The following TNIK variants were observed in gnomAD, a reference collection of about 807,000 sequenced individuals.
TNIK encodes TRAF2 and NCK-interacting protein kinase.
Under a neutral mutation model 191.3 loss-of-function variants are expected in TNIK, and 49 were observed. The observed-to-expected ratio is 0.26, with a 90% CI of 0.20 to 0.32. TNIK has a LOEUF of 0.32. Ranked by LOEUF, TNIK falls within the 10% of genes least tolerant of loss-of-function variation. The pLI is 1.00. For synonymous variants in TNIK, 594 were observed against 600.9 expected (o/e 0.99, Z 0.17); for missense variants, 1,155 against 1,702.3 (o/e 0.68, Z 5.66).
chr3:171,131,204 A>G (rs1436149585), intron 15 of TNIK, among the ~76,000 whole-genome samples: 15 of 151,042 alleles, frequency 9.9e-5, no homozygotes, highest in East Asian at 1.9e-4. Flanking sequence ...CGGGCGTGGT[A>G]GCGGGCGCCG....
At position 171,058,744 on chromosome 3, in the gene TNIK, G is replaced by A. The variant is rs1206365932; in HGVS notation, c.*5137C>T. 1.3e-5 allele frequency among the ~76,000 whole-genome samples: 2 copies of A among 152,244 alleles called. No homozygotes were observed. The highest frequency in any genetic ancestry group is 2.9e-5 in the Non-Finnish European group (2 of 68,004). On this transcript the variant is annotated 3_prime_UTR_variant, in exon 33 of 33. Coordinates refer to ENST00000436636, the MANE Select transcript of TNIK (RefSeq NM_015028.4). ...AAACAATTGTAGGCACAGCAAAATCGTAGTTTTCCCTTCTGATATTATACA... is the reference window on the plus strand; with the variant it reads ...AAACAATTGTAGGCACAGCAAAATCATAGTTTTCCCTTCTGATATTATACA...
In TNIK at chr3:171,291,579, G is replaced by A. The variant is rs1348480698; in HGVS notation, c.124-63358C>T. Among the ~76,000 whole-genome samples the A allele has an allele frequency of 2.0e-5, 3 of 152,214 alleles. No homozygotes were observed. In the East Asian group the frequency reaches 5.8e-4, roughly 29 times the overall value. On this transcript the variant is annotated intron_variant, in intron 2 of 32. Coordinates refer to ENST00000436636, the MANE Select transcript of TNIK (RefSeq NM_015028.4). ...AAAGATACTGTTAAACTCTCTGCTG[G>A]CCTTCATAGCTCCAGATGCGTGTCC...
chr3:171,191,940 C>T (rs945385108), intron 5 of TNIK, among the ~76,000 whole-genome samples: 1 of 152,134 alleles, frequency 6.6e-6, no homozygotes, highest in Non-Finnish European at 1.5e-5. Flanking sequence ...TGTATCGGGT[C>T]CCCGAGTGTT....
intron 2 of TNIK, among the ~76,000 whole-genome samples, chr3:171,248,974 G>T (rs924841276): frequency 6.6e-6 from 1 of 152,134 alleles, no homozygotes; most frequent in Non-Finnish European, 1.5e-5. Flanking sequence ...AGACTAGGAC[G>T]ACGTTATAAA....
chr3:171,377,463 A>T (rs187732609), intron 1 of TNIK, among the ~76,000 whole-genome samples: 2 of 152,218 alleles, frequency 1.3e-5, no homozygotes, highest in Admixed American at 1.3e-4. Context: ...TTGAAACATC[A>T]CTCCTCGGAT....
chr3:171,237,939 G>A (rs915209361), intron 2 of TNIK, among the ~76,000 whole-genome samples: 4 of 152,092 alleles, frequency 2.6e-5, no homozygotes, highest in Non-Finnish European at 5.9e-5. Flanking sequence ...CCCCATTGAC[G>A]TCATCTGACT....
Position 171,063,954 on chromosome 3 carries a change from G to A in TNIK, c.4010C>T (p.Ala1337Val), listed in dbSNP as rs1560060688. 2 of 1,613,108 alleles carry A rather than the reference G, an allele frequency of 1.2e-6. No homozygotes were observed. Among genetic ancestry groups the A allele is most frequent in the South Asian group, 1.1e-5 (1 of 90,940 alleles). Residue 1337 changes from alanine (A) to valine (V), a missense_variant, in exon 33 of 33, where the codon GCA becomes GTA. Physicochemically the swap from Ala to Val is moderately conservative, Grantham distance 64 (BLOSUM62 0). Transcript: ENST00000436636. ...GCTACTTCCTCCAGATCGCACGGAT[G>A]CAAAAAATACCTGTTTGAAATTAAA... ...LCERNDKVFF[A>V]SVRSGGSSQV...
chr3:171,075,511 T>C (rs1027059091), intron 28 of TNIK, among the ~76,000 whole-genome samples: 1 of 152,150 alleles, frequency 6.6e-6, no homozygotes, highest in Non-Finnish European at 1.5e-5. Context: ...GTGGAGCAAA[T>C]AGCTTGCACT....
At chr3:171,424,684 G>A (rs1186436164) in intron 1 of TNIK, among the ~76,000 whole-genome samples, 2 of 152,018 alleles carry the variant, frequency 1.3e-5, no homozygotes, top group Non-Finnish European at 2.9e-5. Context: ...TCCTTTGTAG[G>A]AACATGGATG....
At chr3:171,155,241 A>C (rs1733013509) in intron 12 of TNIK, among the ~76,000 whole-genome samples, 2 of 152,256 alleles carry the variant, frequency 1.3e-5, no homozygotes, top group South Asian at 4.1e-4. Flanking sequence ...TGGTCACCAA[A>C]GGCCAGGGAA....
intron 13 of TNIK, among the ~76,000 whole-genome samples, chr3:171,139,817 A>C (rs528946226): frequency 6.6e-6 from 1 of 152,322 alleles, no homozygotes; most frequent in Non-Finnish European, 1.5e-5. Flanking sequence ...GGTTTTAATA[A>C]GCCCAGCTAC....
At chr3:171,302,703 T>C (rs1381377558) in intron 2 of TNIK, among the ~76,000 whole-genome samples, 1 of 152,246 alleles carries the variant, frequency 6.6e-6, no homozygotes, top group Non-Finnish European at 1.5e-5. Flanking sequence ...TAATTCTTTG[T>C]AAATAATGTT....
intron 1 of TNIK, among the ~76,000 whole-genome samples, chr3:171,442,559 T>G (rs1726955513): frequency 6.6e-6 from 1 of 152,198 alleles, no homozygotes; most frequent in Non-Finnish European, 1.5e-5. Context: ...AGATTTATTT[T>G]AAGTATCATA....
intron 9 of TNIK, among the ~76,000 whole-genome samples, chr3:171,169,916 CT>C (rs1735076844): frequency 6.6e-6 from 1 of 152,108 alleles, no homozygotes; most frequent in Non-Finnish European, 1.5e-5. Context: ...AAGTGGCACC[CT>C]TTGAAGAGAA....
intron 31 of TNIK, 96 bp downstream of exon 31, chr3:171,066,480 T>TA: frequency 4.0e-6 from 6 of 1,496,368 alleles, no homozygotes; most frequent in Non-Finnish European, 5.3e-6. Flanking sequence ...TTTTTTTTTT[T>TA]TTTTTTGTGG....
intron 29 of TNIK, 59 bp from the exon 30 acceptor site, chr3:171,069,056 C>G: frequency 6.4e-7 from 1 of 1,550,888 alleles, no homozygotes; most frequent in Non-Finnish European, 8.7e-7. Flanking sequence ...AATTTTTTTC[C>G]TTTAGCCACT....
At chr3:171,169,102 A>C (rs1402717582) in intron 9 of TNIK, among the ~76,000 whole-genome samples, 1 of 152,224 alleles carries the variant, frequency 6.6e-6, no homozygotes, top group Non-Finnish European at 1.5e-5. Context: ...GCTGACCTGC[A>C]TGAAGATATA....
chr3:171,118,955 A>C (rs1018228221), intron 18 of TNIK, among the ~76,000 whole-genome samples: 7 of 152,234 alleles, frequency 4.6e-5, no homozygotes, highest in Non-Finnish European at 8.8e-5. Context: ...TAATTAAACT[A>C]AAGAGCTTCT....
intron 9 of TNIK, among the ~76,000 whole-genome samples, chr3:171,170,857 C>G (rs1236418669): frequency 1.3e-5 from 2 of 152,068 alleles, no homozygotes; most frequent in Non-Finnish European, 2.9e-5. Flanking sequence ...TCGAGACCAG[C>G]CTGGGCAATA....
Sources: gnomAD v4.1 joint callset for allele counts (sites outside exome capture counted in the v4.1 genomes callset) on GRCh38, gnomAD v4.1.1 for gene constraint, MANE v1.5 for transcripts, NCBI Gene and HGNC (gene_info 2026-07-23, HGNC 2026-07-21) for gene names.